JAML: variants seen among roughly 807,000 people sequenced by gnomAD.
JAML encodes junctional adhesion molecule-like.
JAML carries 25 observed loss-of-function variants against 39.3 expected under a neutral mutation model. The ratio of observed to expected loss-of-function variants is 0.64; its 90% CI spans 0.46 to 0.89. The LOEUF (loss-of-function observed/expected upper bound fraction) is 0.89. Among genes scored for constraint, JAML ranks in the 40% least tolerant of loss-of-function variants. The pLI, the probability that JAML is intolerant of heterozygous loss-of-function variation, is 0.00. For synonymous variants in JAML, 162 were observed against 179.2 expected, an observed-to-expected ratio of 0.90 and a Z score of 0.77; for missense variants, 440 against 486.9, an observed-to-expected ratio of 0.90 and a Z score of 0.91.
At chr11:118,214,659 G>C (rs961798568) in intron 2 of JAML, among the ~76,000 whole-genome samples, 165 bp downstream of exon 2, 6 of 152,212 alleles carry the variant, frequency 3.9e-5, no homozygotes, top group African/African-American at 1.4e-4. Flanking sequence ...CCATAAGCTA[G>C]TTGGCTTCAA....
rs1488462927 is a variant in JAML, at chr11:118,205,804, C to T, written c.534+78G>A. ...AGCCCAGGCTCTTGCAACACCTCCT[C>T]ATGTGCCTGATTCTACCTTTGTCCT... On this transcript the variant is annotated intron_variant, in intron 5 of 9. Coordinates refer to ENST00000356289, the MANE Select transcript of JAML (RefSeq NM_001098526.2). 7 of 1,354,404 alleles carry T rather than the reference C, an allele frequency of 5.2e-6. 1 individual carries two copies. The highest frequency in any genetic ancestry group is 3.5e-5 in the South Asian group (3 of 84,526). The allele number at this position is 1,354,404 out of a possible 1,614,324, so 83.9% of individuals were successfully genotyped here.
chr11:118,199,404 G>A (rs1948727680), intron 7 of JAML, among the ~76,000 whole-genome samples: 1 of 152,154 alleles, frequency 6.6e-6, no homozygotes, highest in South Asian at 2.1e-4. Context: ...GAGTGCAAGT[G>A]AAAACTTAGC....
Position 118,196,826 on chromosome 11 carries a change from AG to A in JAML, c.1006-6del. On this transcript the variant is annotated splice_region_variant and splice_polypyrimidine_tract_variant and intron_variant, in intron 8 of 9. Coordinates refer to ENST00000356289, the MANE Select transcript of JAML (RefSeq NM_001098526.2). The stretch of plus-strand genomic sequence containing the variant: ...TATTGGGGAGTAAATGTGTTTCTAG[AG>A]GGGGAAAATGGTACAAAAATTCCTA... 2 of 1,603,346 alleles carry A rather than the reference AG, an allele frequency of 1.2e-6. No homozygotes were observed. Among genetic ancestry groups the A allele is most frequent in the Non-Finnish European group, 1.7e-6 (2 of 1,170,304 alleles).
At chr11:118,211,576 GTTT>G (rs946029700) in intron 3 of JAML, among the ~76,000 whole-genome samples, 3 of 152,082 alleles carry the variant, frequency 2.0e-5, no homozygotes, top group African/African-American at 7.2e-5. Flanking sequence ...TACACTATGG[GTTT>G]ATCCCTCGTA....
chr11:118,213,196 A>T, intron 2 of JAML: 1 of 1,361,540 alleles, frequency 7.3e-7, no homozygotes, highest in South Asian at 1.8e-5. Flanking sequence ...ACCCCTGCCC[A>T]TTATCTCTAT....
At chr11:118,198,203 T>C in intron 7 of JAML, 112 bp from the exon 8 acceptor site, 2 of 879,044 alleles carry the variant, frequency 2.3e-6, no homozygotes, top group South Asian at 3.0e-5. Flanking sequence ...GAGAAGGAAC[T>C]ATTCTCTCTG....
At chr11:118,220,564 G>A (rs1011127094) in intron 1 of JAML, among the ~76,000 whole-genome samples, 1 of 152,180 alleles carries the variant, frequency 6.6e-6, no homozygotes, top group African/African-American at 2.4e-5. Flanking sequence ...GTGTAATACA[G>A]CGTGGTCCCT....
At chr11:118,215,433 G>A (rs997202990) in intron 1 of JAML, among the ~76,000 whole-genome samples, 22 of 152,102 alleles carry the variant, frequency 1.4e-4, no homozygotes, top group African/African-American at 4.6e-4. Context: ...GTGCAGTGAC[G>A]TGATCTCCAG....
At chr11:118,212,876 C>T (rs1479907722) in intron 2 of JAML, 2 of 1,614,240 alleles carry the variant, frequency 1.2e-6, no homozygotes, top group Non-Finnish European at 1.7e-6. Context: ...AGAAGTCTCT[C>T]CTTTCTGATC....
chr11:118,196,949 C>A, intron 8 of JAML, 128 bp from the exon 9 acceptor site: 2 of 680,184 alleles, frequency 2.9e-6, no homozygotes, highest in Non-Finnish European at 5.2e-6. Context: ...GTTACTGAGA[C>A]CTAGAGAATT....
rs182871368 is a variant in JAML at position 118,222,046 on chromosome 11, T to C, written c.-21+2895A>G. On this transcript the variant is annotated intron_variant, in intron 1 of 9. Coordinates refer to ENST00000356289, the MANE Select transcript of JAML (RefSeq NM_001098526.2). This position sits in a 1 kb window ranked among gnomAD's most constrained non-coding sequence, Gnocchi z 4.2. ...ATAAAAGATTTTTATAGGATTTTTATTTTGAGAACTCCATAGTCAGAAATC... is the reference window on the plus strand; with the variant it reads ...ATAAAAGATTTTTATAGGATTTTTACTTTGAGAACTCCATAGTCAGAAATC... 2.1e-3 allele frequency among the ~76,000 whole-genome samples: 322 copies of C among 152,336 alleles called. 2 individuals carry two copies. Among genetic ancestry groups the C allele is most frequent in the African/African-American group, 7.6e-3 (315 of 41,582 alleles).
intron 5 of JAML, 21 bp downstream of exon 5, chr11:118,205,861 G>C: frequency 6.3e-7 from 1 of 1,597,880 alleles, no homozygotes; most frequent in East Asian, 2.2e-5. Context: ...CTCTAACACA[G>C]TGATGTTTCC....
In JAML at chr11:118,196,120, A is replaced by T. The variant is rs1948648199; in HGVS notation, c.1092+615T>A. On this transcript the variant is annotated intron_variant, in intron 9 of 9. Transcript: ENST00000356289. Reference sequence around the variant, plus strand: ...AGTGCTAGGTTTACAGGTGTGAGCCACCATGCTCGGCCTTTTTTTTTTTTT... The same window carrying T: ...AGTGCTAGGTTTACAGGTGTGAGCCTCCATGCTCGGCCTTTTTTTTTTTTT... Among the ~76,000 whole-genome samples the T allele has an allele frequency of 2.1e-5, 3 of 143,526 alleles. No homozygotes were observed. In the South Asian group the frequency reaches 6.5e-4, roughly 31 times the overall value. The allele number at this position is 143,526 out of a possible 152,430, so 94.2% of individuals were successfully genotyped here.
intron 9 of JAML, among the ~76,000 whole-genome samples, chr11:118,194,654 A>T (rs1327103516): frequency 2.0e-5 from 3 of 152,210 alleles, no homozygotes; most frequent in African/African-American, 7.2e-5. Context: ...GCTGCAACAC[A>T]GAGTTAGAAT....
intron 2 of JAML, among the ~76,000 whole-genome samples, chr11:118,213,801 A>G (rs1949104779): frequency 6.6e-6 from 1 of 152,220 alleles, no homozygotes; most frequent in Non-Finnish European, 1.5e-5. Context: ...GTCACCACAT[A>G]CAGGGGTTGG....
At position 118,203,582 on chromosome 11, in the gene JAML, C is replaced by T; in HGVS notation, c.618G>A (p.Val206=). 2 of 1,614,194 alleles carry T rather than the reference C, an allele frequency of 1.2e-6. No homozygotes were observed. Among genetic ancestry groups the T allele is most frequent in the Non-Finnish European group, 1.7e-6 (2 of 1,180,030 alleles). ...TGCGGAAAATGTCCCCCACCAGGTTCACACGATTCTGGAAGTGGCCCCAGC... is the reference window on the plus strand; with the variant it reads ...TGCGGAAAATGTCCCCCACCAGGTTTACACGATTCTGGAAGTGGCCCCAGC... The part of the protein sequence containing the change: ...SQSWGHFQNR[V]NLVGDIFRND... The change falls in exon 6 of 10, where the codon GTG becomes GTA. Residue 206 remains valine, a synonymous_variant. Transcript: ENST00000356289.
chr11:118,211,548 G>C (rs913844504), intron 3 of JAML, among the ~76,000 whole-genome samples: 4 of 152,096 alleles, frequency 2.6e-5, no homozygotes, highest in African/African-American at 9.7e-5. Context: ...ACACCCAGCA[G>C]AAATTCTTAT....
chr11:118,211,499 C>T (rs1360317167), intron 3 of JAML, among the ~76,000 whole-genome samples: 3 of 152,180 alleles, frequency 2.0e-5, no homozygotes, highest in Non-Finnish European at 4.4e-5. Flanking sequence ...CACCCCGCCT[C>T]AGCCTCCCAA....
chr11:118,210,355 T>A, intron 4 of JAML, 132 bp downstream of exon 4: 1 of 649,724 alleles, frequency 1.5e-6, no homozygotes, highest in Non-Finnish European at 2.6e-6. Flanking sequence ...ATTATGATCA[T>A]TTTTTGAAGA....
Sources: gnomAD v4.1 joint callset for allele counts (sites outside exome capture counted in the v4.1 genomes callset) on GRCh38, gnomAD v4.1.1 for gene constraint, Gnocchi (gnomAD v3.1) non-coding constraint, MANE v1.5 for transcripts, NCBI Gene and HGNC (gene_info 2026-07-23, HGNC 2026-07-21) for gene names.